Variants in PEX5L observed in about 807,000 individuals in gnomAD.
PEX5L encodes PEX5-related protein.
A neutral mutation model predicts 84.0 loss-of-function variants in PEX5L; 30 were observed. The observed-to-expected ratio is 0.36, with a 90% confidence interval of 0.27 to 0.48. PEX5L has a LOEUF of 0.48. PEX5L is among the 20% of genes least tolerant of loss of function. The probability of loss-of-function intolerance (pLI) is 0.99; values close to 1 mark genes in which losing one functional copy is unlikely to be tolerated. For synonymous variants in PEX5L, 270 were observed against 283.1 expected (o/e 0.95, Z 0.46); for missense variants, 533 against 754.6 (o/e 0.71, Z 3.44).
At chr3:179,817,292 A>C (rs1224712800) in intron 9 of PEX5L, among the ~76,000 whole-genome samples, 1 of 152,252 alleles carries the variant, frequency 6.6e-6, no homozygotes, top group African/African-American at 2.4e-5. Context: ...ACAAGTAGGC[A>C]CATATTACAT....
Position 179,794,982 on chromosome 3 carries a change from AAAG to A in PEX5L, c.*6843_*6845del, listed in dbSNP as rs1322626700. 13 of 152,326 alleles carry A rather than the reference AAAG, an allele frequency of 8.5e-5. No individual in the cohort carries two copies. Among genetic ancestry groups the A allele is most frequent in the Middle Eastern group, 3.4e-3 (1 of 294 alleles). 9.4% of individuals were successfully genotyped at this position (152,326 alleles called of 1,614,324 possible). On this transcript the variant is annotated 3_prime_UTR_variant, in exon 15 of 15. Transcript: ENST00000467460. The stretch of plus-strand genomic sequence containing the variant: ...ATTTATTTTAATATTTTTATTCTAA[AAAG>A]AATCACAAAATTCAATTTCAGGTTA...
intron 2 of PEX5L, among the ~76,000 whole-genome samples, chr3:179,916,798 C>T (rs1321072651): frequency 6.6e-6 from 1 of 151,930 alleles, no homozygotes; most frequent in South Asian, 2.1e-4. Context: ...GCCTCCTGAG[C>T]GGCTAGGATT....
At chr3:179,863,687 G>C (rs1276089235) in intron 7 of PEX5L, among the ~76,000 whole-genome samples, 1 of 152,108 alleles carries the variant, frequency 6.6e-6, no homozygotes, top group East Asian at 1.9e-4. Flanking sequence ...GATAAGTGTT[G>C]GAGAGGATGT....
intron 2 of PEX5L, among the ~76,000 whole-genome samples, chr3:179,925,854 G>A (rs1771289104): frequency 6.6e-6 from 1 of 151,830 alleles, no homozygotes; most frequent in Admixed American, 6.6e-5. Flanking sequence ...CAACATACAA[G>A]TGCAGGTAAA....
intron 1 of PEX5L, among the ~76,000 whole-genome samples, chr3:179,980,359 T>A (rs966578973): frequency 6.6e-6 from 1 of 152,168 alleles, no homozygotes; most frequent in Admixed American, 6.5e-5. Flanking sequence ...AGTCATGACA[T>A]CTTAGAATAA....
chr3:179,874,128 TATAC>T (rs970565751), intron 7 of PEX5L, among the ~76,000 whole-genome samples, 195 bp downstream of exon 7: 6 of 113,048 alleles, frequency 5.3e-5, no homozygotes, highest in African/African-American at 1.6e-4. Flanking sequence ...AATGTGTAGA[TATAC>T]ATATATATAT....
intron 1 of PEX5L, among the ~76,000 whole-genome samples, chr3:179,977,490 T>C (rs573068782): frequency 2.0e-4 from 31 of 152,304 alleles, no homozygotes; most frequent in African/African-American, 7.5e-4. Context: ...TTTGGTTCCA[T>C]GTCCTTTCTT....
chr3:180,018,240 C>G (rs1790110069), intron 1 of PEX5L, among the ~76,000 whole-genome samples: 2 of 152,080 alleles, frequency 1.3e-5, no homozygotes, highest in Non-Finnish European at 2.9e-5. Context: ...TATTTTTATA[C>G]ATATATATTA....
intron 1 of PEX5L, among the ~76,000 whole-genome samples, chr3:180,011,379 T>G (rs1004572683): frequency 2.6e-5 from 4 of 152,312 alleles, no homozygotes; most frequent in East Asian, 1.9e-4. Flanking sequence ...TAAATTACAC[T>G]AATTACCAAA....
At chr3:179,827,099 C>T (rs547696133) in intron 8 of PEX5L, among the ~76,000 whole-genome samples, 1 of 152,290 alleles carries the variant, frequency 6.6e-6, no homozygotes, top group Non-Finnish European at 1.5e-5. Context: ...TTGCTTCTTC[C>T]CCAAATGGCT....
At chr3:179,916,640 C>A (rs568964553) in intron 2 of PEX5L, among the ~76,000 whole-genome samples, 1 of 151,934 alleles carries the variant, frequency 6.6e-6, no homozygotes, top group South Asian at 2.1e-4. Flanking sequence ...CTTACTGTAA[C>A]TGCTGTACTT....
rs191122870 is a variant in PEX5L, at chr3:179,860,009, T to C, written c.727-852A>G. Among the ~76,000 whole-genome samples, 597 of 152,336 alleles carry C rather than the reference T, an allele frequency of 3.9e-3. 1 individual carries two copies. The highest frequency in any genetic ancestry group is 6.0e-3 in the Non-Finnish European group (410 of 68,028). ...GTTACATAAACATTTAAACACATAA[T>C]GTGTATTGTAATATGTACAGTAATA... On this transcript the variant is annotated intron_variant, in intron 7 of 14. Transcript: ENST00000467460.
At chr3:179,877,827 G>A (rs1752921529) in intron 5 of PEX5L, among the ~76,000 whole-genome samples, 1 of 150,662 alleles carries the variant, frequency 6.6e-6, no homozygotes, top group Non-Finnish European at 1.5e-5. Flanking sequence ...AATAAACCTA[G>A]ATAGTGAGGA....
chr3:180,010,197 G>A (rs946565278), intron 1 of PEX5L, among the ~76,000 whole-genome samples: 10 of 150,766 alleles, frequency 6.6e-5, no homozygotes, highest in African/African-American at 7.4e-5. Context: ...TGTCTGCCAC[G>A]GCCTCCCAAA....
At chr3:180,006,090 C>G (rs1410026008) in intron 1 of PEX5L, among the ~76,000 whole-genome samples, 4 of 152,198 alleles carry the variant, frequency 2.6e-5, no homozygotes, top group African/African-American at 9.7e-5. Flanking sequence ...CAGTTTTCCA[C>G]TGGAATAGTA....
At chr3:179,900,839 A>T in intron 2 of PEX5L, 1 of 716,498 alleles carries the variant, frequency 1.4e-6, no homozygotes, top group Non-Finnish European at 2.4e-6. Flanking sequence ...TCACTGTTTT[A>T]CAAGTGCGGT....
chr3:179,917,559 G>A (rs1046140661), intron 2 of PEX5L, among the ~76,000 whole-genome samples: 4 of 152,174 alleles, frequency 2.6e-5, no homozygotes, highest in Admixed American at 2.0e-4. Flanking sequence ...TATGACATTA[G>A]CACTGCTATG....
chr3:179,923,245 C>T (rs1024971343), intron 2 of PEX5L, among the ~76,000 whole-genome samples: 9 of 145,942 alleles, frequency 6.2e-5, no homozygotes, highest in South Asian at 2.2e-4. Flanking sequence ...GAGTCGAGAT[C>T]GCGCCACTGC....
intron 2 of PEX5L, among the ~76,000 whole-genome samples, chr3:179,913,120 G>A (rs1296826735): frequency 6.6e-6 from 1 of 152,128 alleles, no homozygotes; most frequent in African/African-American, 2.4e-5. Context: ...AATTAGAATA[G>A]CCAAATGCCT....
Sources: gnomAD v4.1 joint callset for allele counts (sites outside exome capture counted in the v4.1 genomes callset) on GRCh38, gnomAD v4.1.1 for gene constraint, MANE v1.5 for transcripts, NCBI Gene and HGNC (gene_info 2026-07-23, HGNC 2026-07-21) for gene names.